The following FAT1 variants were observed in gnomAD, a reference collection of about 807,000 sequenced individuals.
The protein encoded by FAT1 is protocadherin Fat 1.
Under a neutral mutation model 329.8 loss-of-function variants are expected in FAT1, and 171 were observed. The observed-to-expected ratio is 0.52, with a 90% CI of 0.46 to 0.59. FAT1 has a LOEUF of 0.59. Among genes scored for constraint, FAT1 ranks in the 20% least tolerant of loss-of-function variants. The probability of loss-of-function intolerance (pLI) is 0.00; values close to 1 mark genes in which losing one functional copy is unlikely to be tolerated. For synonymous variants in FAT1, 2,233 were observed against 2,228.6 expected (o/e 1.00, Z -0.06); for missense variants, 5,672 against 5,774.4 (o/e 0.98, Z 0.57).
upstream of FAT1, among the ~76,000 whole-genome samples, chr4:186,725,482 T>G (rs1271401389): frequency 6.6e-6 from 1 of 151,972 alleles, no homozygotes. This position sits in a 1 kb window ranked among gnomAD's most constrained non-coding sequence, Gnocchi z 5.4. Flanking sequence ...TAGGGCTTAC[T>G]AGATGTTTTA....
At chr4:186,672,243 T>C (rs144411138) in intron 2 of FAT1, among the ~76,000 whole-genome samples, 12 of 152,362 alleles carry the variant, frequency 7.9e-5, no homozygotes, top group African/African-American at 2.6e-4. Flanking sequence ...AGACCACTTC[T>C]ATAAATATTT....
At chr4:186,635,236 C>G (rs1298178728) in intron 6 of FAT1, among the ~76,000 whole-genome samples, 1 of 151,980 alleles carries the variant, frequency 6.6e-6, no homozygotes, top group Non-Finnish European at 1.5e-5. Flanking sequence ...GACATAAAGT[C>G]CCCCCCAGAG....
In FAT1 at chr4:186,621,530, C is replaced by T. The variant is rs749494325; in HGVS notation, c.5056G>A (p.Val1686Ile). 68 of 1,613,866 alleles carry T rather than the reference C, an allele frequency of 4.2e-5. No individual in the cohort carries two copies. Among genetic ancestry groups the T allele is most frequent in the Non-Finnish European group, 5.2e-5 (61 of 1,179,882 alleles). ...LSETVSIGSF[V>I]GMVTAHSQSS... The stretch of plus-strand genomic sequence containing the variant: ...TGACTATGGGCTGTAACCATCCCAA[C>T]GAAACTCCCAATGCTGACAGTTTCA... The change falls in exon 10 of 27, where the codon GTT becomes ATT. Residue 1686 changes from valine (V) to isoleucine (I), a missense_variant. Physicochemically the swap from Val to Ile is conservative, Grantham distance 29. Coordinates refer to ENST00000441802, the MANE Select transcript of FAT1 (RefSeq NM_005245.4).
rs374515417 is a variant in FAT1 at position 186,618,416 on chromosome 4, G to A, written c.8170C>T (p.Leu2724Phe). ...EDVPIGTEID[L>F]IRAEHSGTVL... Reference sequence around the variant, plus strand: ...GTCCCACTATGTTCTGCTCGGATGAGATCTATCTCTGTTCCAATAGGCACG... The same window carrying A: ...GTCCCACTATGTTCTGCTCGGATGAAATCTATCTCTGTTCCAATAGGCACG... The change falls in exon 10 of 27, where the codon CTC (leucine) becomes TTC (phenylalanine). Residue 2724 changes from leucine to phenylalanine, a missense_variant. This residue lies in a region of FAT1 where 3,966 missense variants were observed against 3,915.2 expected (regional missense o/e 1.01). Coordinates refer to ENST00000441802, the MANE Select transcript of FAT1 (RefSeq NM_005245.4). 1.1e-5 allele frequency: 18 copies of A among 1,613,908 alleles called. No homozygotes were observed. The African/African-American group carries it at 1.9e-4, about 17-fold the overall frequency.
rs1279753540 is a variant in FAT1, at chr4:186,590,469, TAA to T, written c.13139-1251_13139-1250del. 8 of 1,100,610 alleles carry T rather than the reference TAA, an allele frequency of 7.3e-6. No homozygotes were observed. In the Admixed American group the frequency reaches 9.2e-5, roughly 13 times the overall value. The allele number at this position is 1,100,610 out of a possible 1,614,324, so 68.2% of individuals were successfully genotyped here. ...TTAAAACAGTCGGCTGAAAAGGCAA[TAA>T]AGGTAAGTACACAGAACAATGAAAA... On this transcript the variant is annotated intron_variant, in intron 26 of 26. Coordinates refer to ENST00000441802, the MANE Select transcript of FAT1 (RefSeq NM_005245.4).
At chr4:186,601,226 T>A (rs774209221) in intron 21 of FAT1, 43 bp downstream of exon 21, 1 of 1,496,170 alleles carries the variant, frequency 6.7e-7, no homozygotes, top group Non-Finnish European at 9.1e-7. Context: ...AATTTATGGT[T>A]TGAAAGTCTT....
chr4:186,671,819 G>T (rs1436831976), intron 2 of FAT1, among the ~76,000 whole-genome samples: 1 of 152,010 alleles, frequency 6.6e-6, no homozygotes, highest in African/African-American at 2.4e-5. Flanking sequence ...TGTGTGTGGT[G>T]TGTGTGTGTG....
At position 186,707,614 on chromosome 4, in the gene FAT1, G is replaced by A; in HGVS notation, c.2214C>T (p.Phe738=). Residue 738 remains phenylalanine (F), a synonymous_variant, in exon 2 of 27, where the codon TTC becomes TTT. Coordinates refer to ENST00000441802, the MANE Select transcript of FAT1 (RefSeq NM_005245.4). ...ENQPVGSSVI[F]MNSTDLDTGF... ...CAGTGTCAAGGTCAGTGGAGTTCAT[G>A]AAAATTACACTGGAACCCACAGGCT... The A allele has an allele frequency of 6.2e-7, 1 of 1,614,020 alleles. No homozygotes were observed. The highest frequency in any genetic ancestry group is 8.5e-7 in the Non-Finnish European group (1 of 1,179,892).
In FAT1 at chr4:186,619,204, T is replaced by C; in HGVS notation, c.7382A>G (p.Tyr2461Cys). The change falls in exon 10 of 27, where the codon TAC becomes TGC. Residue 2461 changes from tyrosine (Y) to cysteine (C), a missense_variant. Physicochemically the swap from Tyr to Cys is radical, Grantham distance 194. This residue lies in a region of FAT1 where 3,966 missense variants were observed against 3,915.2 expected (regional missense o/e 1.01). Coordinates refer to ENST00000441802, the MANE Select transcript of FAT1 (RefSeq NM_005245.4). Reference protein sequence around the residue: ...NLHRHALKPFYSLNLSVSDGV... With the variant: ...NLHRHALKPFCSLNLSVSDGV... ...ATCAGACACTGACAGGTTAAGACTGTAAAATGGCTTCAGGGCGTGCCGGTG... is the reference window on the plus strand; with the variant it reads ...ATCAGACACTGACAGGTTAAGACTGCAAAATGGCTTCAGGGCGTGCCGGTG... 6.2e-7 allele frequency: 1 copy of C among 1,613,994 alleles called. No homozygotes were observed. Among genetic ancestry groups the C allele is most frequent in the Middle Eastern group, 1.7e-4 (1 of 6,060 alleles).
At position 186,633,723 on chromosome 4, in the gene FAT1, T is replaced by C. The variant is rs202233195; in HGVS notation, c.4284A>G (p.Thr1428=). 5 of 1,613,988 alleles carry C rather than the reference T, an allele frequency of 3.1e-6. No homozygotes were observed. The highest frequency in any genetic ancestry group is 2.7e-5 in the African/African-American group (2 of 75,038). ...TGGTGGTTCCATCTGTAGCCTCGAC[T>C]GTGAGGTTGTAGTTTGACTTCTGTT... ...DAEQKSNYNL[T]VEATDGTTTI... is the part of the protein sequence containing the mutation. Residue 1428 remains threonine, a synonymous_variant, in exon 7 of 27, where the codon ACA becomes ACG. Transcript: ENST00000441802.
chr4:186,682,267 C>T (rs918602627), intron 2 of FAT1, among the ~76,000 whole-genome samples: 3 of 152,164 alleles, frequency 2.0e-5, no homozygotes, highest in South Asian at 2.1e-4. Context: ...TGGCTCACGC[C>T]TGTAATCCTA....
rs368024219 is a variant in FAT1, at chr4:186,617,109, T to A, written c.8971A>T (p.Asn2991Tyr). ...GTTGCCGTGATAGTAAGAAGGTAATTGTCCCTTTTTTCCCTGTCTAGAGGT... is the reference window on the plus strand; with the variant it reads ...GTTGCCGTGATAGTAAGAAGGTAATAGTCCCTTTTTTCCCTGTCTAGAGGT... Reference protein sequence around the residue: ...KKPLDREKRDNYLLTITATDG... With the variant: ...KKPLDREKRDYYLLTITATDG... Residue 2991 changes from asparagine to tyrosine, a missense_variant, in exon 11 of 27, where the codon AAT (asparagine) becomes TAT (tyrosine). By Grantham distance (143) the Asn-to-Tyr change is moderately radical. This residue lies in a region of FAT1 where 3,966 missense variants were observed against 3,915.2 expected (regional missense o/e 1.01). Transcript: ENST00000441802. 3 of 1,613,960 alleles carry A rather than the reference T, an allele frequency of 1.9e-6. No homozygotes were observed. The highest frequency in any genetic ancestry group is 1.6e-4 in the Middle Eastern group (1 of 6,062).
intron 26 of FAT1, among the ~76,000 whole-genome samples, chr4:186,591,268 G>A (rs1425627375): frequency 6.6e-6 from 1 of 152,190 alleles, no homozygotes; most frequent in African/African-American, 2.4e-5. Flanking sequence ...GGTCACATCC[G>A]TGATTTTTTA....
At position 186,712,274 on chromosome 4, in the gene FAT1, G is replaced by A. The variant is rs550324164; in HGVS notation, c.-18-2429C>T. On this transcript the variant is annotated intron_variant, in intron 1 of 26. Transcript: ENST00000441802. Reference sequence around the variant, plus strand: ...TGGACAGAAAAGTCTAGGCAGACAAGCAACTGTTAACAGTGGTAACTTCTG... The same window carrying A: ...TGGACAGAAAAGTCTAGGCAGACAAACAACTGTTAACAGTGGTAACTTCTG... Among the ~76,000 whole-genome samples, 4 of 152,326 alleles carry A rather than the reference G, an allele frequency of 2.6e-5. No individual in the cohort carries two copies. In the South Asian group the frequency reaches 8.3e-4, roughly 32 times the overall value.
intron 11 of FAT1, among the ~76,000 whole-genome samples, chr4:186,615,693 C>G (rs1739677538): frequency 6.6e-6 from 1 of 152,208 alleles, no homozygotes; most frequent in South Asian, 2.1e-4. Flanking sequence ...CTCCCCAACC[C>G]AGGTTGGCAC....
At position 186,606,033 on chromosome 4, in the gene FAT1, A is replaced by G. The variant is rs749332573; in HGVS notation, c.10350+37T>C. ...AGAGGCCAATGGAAAAGCTCATTTC[A>G]AAGAACCCCAGGACCACCTTGGCAC... On this transcript the variant is annotated intron_variant, in intron 17 of 26. Coordinates refer to ENST00000441802, the MANE Select transcript of FAT1 (RefSeq NM_005245.4). 7 of 1,588,832 alleles carry G rather than the reference A, an allele frequency of 4.4e-6. No homozygotes were observed. In the Admixed American group the frequency reaches 9.0e-5, roughly 20 times the overall value.
intron 1 of FAT1, among the ~76,000 whole-genome samples, chr4:186,715,630 ACCTTATCGCCTAGACT>A (rs1373191671): frequency 1.3e-5 from 2 of 152,156 alleles, no homozygotes; most frequent in African/African-American, 4.8e-5. Context: ...TCTAAAAAGG[ACCTTATCGCCTAGACT>A]CCTTTGCTTA....
intron 5 of FAT1, 142 bp downstream of exon 5, chr4:186,636,443 T>C (rs942003666): frequency 1.7e-5 from 16 of 948,984 alleles, no homozygotes; most frequent in Admixed American, 2.5e-5. Context: ...TCAAACGTTA[T>C]CCGGCATTGC....
chr4:186,610,712 TA>T lies in FAT1; in HGVS notation c.9853+673del, dbSNP rs1399614511. On this transcript the variant is annotated intron_variant, in intron 14 of 26. Coordinates refer to ENST00000441802, the MANE Select transcript of FAT1 (RefSeq NM_005245.4). ...TATATAATTTATATAAATATAAATTTATATAATTTATATAAATATAAATTTA... is the reference window on the plus strand; with the variant it reads ...TATATAATTTATATAAATATAAATTTTATAATTTATATAAATATAAATTTA... Among the ~76,000 whole-genome samples, 17 of 133,130 alleles carry T rather than the reference TA, an allele frequency of 1.3e-4. No homozygotes were observed. In the East Asian group the frequency reaches 3.3e-3, roughly 26 times the overall value. The allele number at this position is 133,130 out of a possible 152,430, so 87.3% of individuals were successfully genotyped here. A position where few individuals can be genotyped will look rare whatever the true frequency, so the allele number is the denominator to read the frequency against.
Sources: allele counts gnomAD v4.1 joint callset (sites outside exome capture counted in the v4.1 genomes callset), GRCh38; gene constraint gnomAD v4.1.1; regional missense constraint gnomAD v4.1.1; non-coding constraint Gnocchi (gnomAD v3.1); transcripts MANE v1.5; gene names NCBI Gene and HGNC (gene_info 2026-07-23, HGNC 2026-07-21).